Variants in TOP3A observed in about 807,000 individuals in gnomAD.
TOP3A encodes the protein DNA topoisomerase 3-alpha.
In TOP3A, 64 loss-of-function variants were observed where a neutral mutation model predicts 111.3. The ratio of observed to expected loss-of-function variants is 0.57; its 90% CI spans 0.47 to 0.71. The LOEUF (loss-of-function observed/expected upper bound fraction) is 0.71. Ranked by LOEUF, TOP3A falls within the 30% of genes least tolerant of loss-of-function variation. TOP3A has a pLI of 0.00. For synonymous variants in TOP3A, 484 were observed against 485.1 expected, an observed-to-expected ratio of 1.00 and a Z score of 0.03; for missense variants, 1,104 against 1,285.0, an observed-to-expected ratio of 0.86 and a Z score of 2.15.
At chr17:18,304,822 T>A (rs1361475583) in intron 5 of TOP3A, among the ~76,000 whole-genome samples, 2 of 152,082 alleles carry the variant, frequency 1.3e-5, no homozygotes, top group Non-Finnish European at 2.9e-5. Context: ...TGCTTGTACC[T>A]AACAAGAAAT....
chr17:18,285,053 C>G, intron 15 of TOP3A, 89 bp downstream of exon 15: 1 of 1,480,468 alleles, frequency 6.8e-7, no homozygotes, highest in Non-Finnish European at 9.2e-7. Flanking sequence ...CTTTGGGAGG[C>G]TGAGGTGGGA....
At chr17:18,302,038 T>C (rs1472477960) in intron 7 of TOP3A, 53 bp from the exon 8 acceptor site, 4 of 1,524,912 alleles carry the variant, frequency 2.6e-6, no homozygotes, top group Non-Finnish European at 2.7e-6. Context: ...CATGTCATGA[T>C]ATGACAGATA....
chr17:18,285,156 C>T lies in TOP3A; in HGVS notation c.1863G>A (p.Val621=). 1 of 1,614,036 alleles carries T rather than the reference C, an allele frequency of 6.2e-7. No individual in the cohort carries two copies. Among genetic ancestry groups the T allele is most frequent in the Non-Finnish European group, 8.5e-7 (1 of 1,180,026 alleles). Residue 621 remains valine, a synonymous_variant, in exon 15 of 19, where the codon GTG becomes GTA. Transcript: ENST00000321105. The part of the protein sequence containing the change: ...QKYKQVFIEA[V]AKAKKLDEAL... Reference sequence around the variant, plus strand: ...TAAGGACTTACTTCTTTGCTTTAGCCACCGCTTCAATGAAAACCTGCTTGT... The same window carrying T: ...TAAGGACTTACTTCTTTGCTTTAGCTACCGCTTCAATGAAAACCTGCTTGT...
chr17:18,282,591 G>A lies in TOP3A; in HGVS notation c.2021+107C>T, dbSNP rs918753115. The A allele has an allele frequency of 4.6e-6, 7 of 1,508,498 alleles. No individual in the cohort carries two copies. In the African/African-American group the frequency reaches 9.6e-5, roughly 21 times the overall value. The allele number at this position is 1,508,498 out of a possible 1,614,324, so 93.4% of individuals were successfully genotyped here. A position where few individuals can be genotyped will look rare whatever the true frequency, so the allele number is the denominator to read the frequency against. Reference sequence around the variant, plus strand: ...CTTGCCTGCAGGTTGGCAACAACAGGCCTGTCTTGAAAGATTCCATGGAGT... The same window carrying A: ...CTTGCCTGCAGGTTGGCAACAACAGACCTGTCTTGAAAGATTCCATGGAGT... On this transcript the variant is annotated intron_variant, in intron 16 of 18. Coordinates refer to ENST00000321105, the MANE Select transcript of TOP3A (RefSeq NM_004618.5).
intron 18 of TOP3A, among the ~76,000 whole-genome samples, chr17:18,275,330 T>A (rs973666057): frequency 4.1e-5 from 5 of 121,200 alleles, no homozygotes; most frequent in African/African-American, 6.1e-5. Context: ...CAGCAGACGA[T>A]AAGGCTGAAC....
At chr17:18,305,337 T>A in intron 4 of TOP3A, 117 bp from the exon 5 acceptor site, 1 of 822,368 alleles carries the variant, frequency 1.2e-6, no homozygotes, top group Non-Finnish European at 2.0e-6. Flanking sequence ...TGTGACAACT[T>A]GGCAAGGGAA....
rs1979540890 is a variant in TOP3A, at chr17:18,278,338, G to A, written c.2164C>T (p.Arg722Cys). The stretch of plus-strand genomic sequence containing the variant: ...GGCATGGTCGGGGGAAGGCTACCGC[G>A]CTTAAACTTTAACTTTAACCTAGTG... ...PVYRLKLKFK[R>C]GSLPPTMPLE... The change falls in exon 18 of 19, where the codon CGC becomes TGC. Residue 722 changes from arginine (R) to cysteine (C), a missense_variant. Arg to Cys is a radical substitution (Grantham distance 180). Coordinates refer to ENST00000321105, the MANE Select transcript of TOP3A (RefSeq NM_004618.5). 8 of 1,513,434 alleles carry A rather than the reference G, an allele frequency of 5.3e-6. No individual in the cohort carries two copies. Among genetic ancestry groups the A allele is most frequent in the East Asian group, 2.3e-5 (1 of 43,860 alleles). 93.8% of individuals were successfully genotyped at this position (1,513,434 alleles called of 1,614,324 possible).
Position 18,272,475 on chromosome 17 carries a change from A to G in TOP3A, c.*2327T>C, listed in dbSNP as rs1979055568. Among the ~76,000 whole-genome samples the G allele has an allele frequency of 6.6e-6, 1 of 152,236 alleles. No homozygotes were observed. The highest frequency in any genetic ancestry group is 2.4e-5 in the African/African-American group (1 of 41,466). On this transcript the variant is annotated 3_prime_UTR_variant, in exon 19 of 19. Transcript: ENST00000321105. ...CAAGTCATCAGACACTCATACACCA[A>G]TGTTCACAACAGTGCTATTCACAAT... is the stretch of plus-strand genomic sequence containing the variant.
intron 1 of TOP3A, among the ~76,000 whole-genome samples, chr17:18,314,131 G>A (rs1397741929): frequency 6.6e-6 from 1 of 152,186 alleles, no homozygotes; most frequent in Non-Finnish European, 1.5e-5. Flanking sequence ...AGTCACAAGG[G>A]CTGTAGAATG....
chr17:18,305,491 C>A (rs1315262005), intron 4 of TOP3A, among the ~76,000 whole-genome samples: 3 of 145,904 alleles, frequency 2.1e-5, no homozygotes, highest in African/African-American at 8.1e-5. Context: ...CACACACGCG[C>A]GCGCGCGCGC....
chr17:18,302,305 G>C lies in TOP3A; in HGVS notation c.773C>G (p.Ala258Gly). Residue 258 changes from alanine (A) to glycine (G), a missense_variant, in exon 7 of 19, where the codon GCC (alanine) becomes GGC (glycine). Physicochemically the swap from Ala to Gly is moderately conservative, Grantham distance 60. Transcript: ENST00000321105. ...TLGFVVERFK[A>G]IQAFVPEIFH... Reference sequence around the variant, plus strand: ...GATTTCTGGTACAAAAGCCTGAATGGCTTTGAACCGCTCCACCACAAAGCC... The same window carrying C: ...GATTTCTGGTACAAAAGCCTGAATGCCTTTGAACCGCTCCACCACAAAGCC... The C allele has an allele frequency of 6.2e-7, 1 of 1,612,886 alleles. No homozygotes were observed. Among genetic ancestry groups the C allele is most frequent in the Non-Finnish European group, 8.5e-7 (1 of 1,179,938 alleles).
intron 11 of TOP3A, among the ~76,000 whole-genome samples, 164 bp from the exon 12 acceptor site, chr17:18,291,191 A>G (rs1208987138): frequency 6.6e-6 from 1 of 152,218 alleles, no homozygotes; most frequent in Non-Finnish European, 1.5e-5. Flanking sequence ...TGGGGAGAGG[A>G]TGGGTTTAGG....
rs200695657 is a variant in TOP3A at position 18,308,919 on chromosome 17, T to C, written c.203A>G (p.Asn68Ser). The change falls in exon 2 of 19, where the codon AAC becomes AGC. Residue 68 changes from asparagine to serine, a missense_variant. By Grantham distance (46) the Asn-to-Ser change is conservative (BLOSUM62 1). Transcript: ENST00000321105. The stretch of plus-strand genomic sequence containing the variant: ...ATGATAATCAAATTCATAGATCTTG[T>C]TGAATTTTGAAAGTCCTTCTCTCTA... ...MRRREGLSKF[N>S]KIYEFDYHLY... The C allele has an allele frequency of 4.5e-6, 7 of 1,559,226 alleles. No homozygotes were observed. The highest frequency in any genetic ancestry group is 4.6e-5 in the East Asian group (2 of 43,396).
intron 10 of TOP3A, among the ~76,000 whole-genome samples, chr17:18,294,080 G>C (rs1460460265): frequency 6.6e-6 from 1 of 152,194 alleles, no homozygotes; most frequent in East Asian, 1.9e-4. Flanking sequence ...GGGTGTATAT[G>C]ACTGGGGCGG....
intron 9 of TOP3A, among the ~76,000 whole-genome samples, chr17:18,298,433 G>A (rs1259316286): frequency 6.8e-6 from 1 of 147,412 alleles, no homozygotes; most frequent in East Asian, 2.0e-4. Flanking sequence ...GGGAGGTGGG[G>A]GGGTCAGCCC....
intron 4 of TOP3A, among the ~76,000 whole-genome samples, chr17:18,305,543 A>C (rs2142988351): frequency 6.6e-6 from 1 of 152,158 alleles, no homozygotes; most frequent in African/African-American, 2.4e-5. Flanking sequence ...GACCTAGTTA[A>C]AAAAAACGAA....
At chr17:18,295,595 G>A (rs1434542342) in intron 9 of TOP3A, among the ~76,000 whole-genome samples, 1 of 150,798 alleles carries the variant, frequency 6.6e-6, no homozygotes, top group Admixed American at 6.6e-5. Flanking sequence ...CTGAGTAGCT[G>A]GGACTACAGG....
intron 2 of TOP3A, 75 bp from the exon 3 acceptor site, chr17:18,308,499 G>A (rs1981722334): frequency 6.0e-6 from 6 of 1,007,926 alleles, no homozygotes; most frequent in South Asian, 3.2e-5. Flanking sequence ...AAAATGAGAG[G>A]GAGGAGCTTC....
chr17:18,296,011 C>A (rs2142973564), intron 9 of TOP3A, among the ~76,000 whole-genome samples: 1 of 152,052 alleles, frequency 6.6e-6, no homozygotes, highest in South Asian at 2.1e-4. Context: ...CGTGATCTGC[C>A]CGCCTCAGCC....
Sources: allele counts gnomAD v4.1 joint callset (sites outside exome capture counted in the v4.1 genomes callset), GRCh38; gene constraint gnomAD v4.1.1; transcripts MANE v1.5; gene names NCBI Gene and HGNC (gene_info 2026-07-23, HGNC 2026-07-21).